The following PIK3CD variants were observed in gnomAD, a reference collection of about 807,000 sequenced individuals.
The protein encoded by PIK3CD is phosphatidylinositol-4,5-bisphosphate 3-kinase catalytic subunit delta.
In PIK3CD, 20 loss-of-function variants were observed where a neutral mutation model predicts 122.9. The ratio of observed to expected loss-of-function variants is 0.16; its 90% CI spans 0.11 to 0.24. The LOEUF (loss-of-function observed/expected upper bound fraction) is 0.24. PIK3CD is among the 10% of genes least tolerant of loss of function. The pLI is 1.00. For synonymous variants in PIK3CD, 596 were observed against 593.4 expected (o/e 1.00, Z -0.06); for missense variants, 787 against 1,406.3 (o/e 0.56, Z 7.04).
intron 1 of PIK3CD, chr1:9,653,657 G>C: frequency 2.0e-6 from 1 of 492,362 alleles, no homozygotes; most frequent in South Asian, 1.8e-5. Context: ...GAGTGGGGCG[G>C]AAGGTTCTTT....
chr1:9,712,021 C>G (rs575085391), intron 3 of PIK3CD, among the ~76,000 whole-genome samples: 189 of 151,554 alleles, frequency 1.2e-3, no homozygotes, highest in Non-Finnish European at 2.5e-3. Context: ...CTCAGCCTCC[C>G]GAGTAGCTGG....
At chr1:9,650,784 G>T (rs528819046), upstream of PIK3CD, among the ~76,000 whole-genome samples, 49 of 152,280 alleles carry the variant, frequency 3.2e-4, no homozygotes, top group African/African-American at 1.2e-3. Flanking sequence ...TCTCAGGTAA[G>T]AAAAGTTAGC....
intron 2 of PIK3CD, among the ~76,000 whole-genome samples, chr1:9,707,276 A>G (rs72871207): frequency 6.6e-6 from 1 of 151,444 alleles, no homozygotes; most frequent in African/African-American, 2.4e-5. Flanking sequence ...AAAAGTAGAA[A>G]CCAGCCTTCA....
At chr1:9,726,881 C>G in intron 23 of PIK3CD, 28 bp from the exon 24 acceptor site, 3 of 1,613,576 alleles carry the variant, frequency 1.9e-6, no homozygotes, top group Non-Finnish European at 2.5e-6. Flanking sequence ...GCCCCCTTAA[C>G]GTGGACACCG....
In PIK3CD at chr1:9,721,123, C is replaced by A. The variant is rs371112902; in HGVS notation, c.1690-4C>A. The A allele has an allele frequency of 3.1e-6, 5 of 1,610,628 alleles. No homozygotes were observed. Among genetic ancestry groups the A allele is most frequent in the South Asian group, 2.2e-5 (2 of 91,076 alleles). On this transcript the variant is annotated splice_region_variant and splice_polypyrimidine_tract_variant and intron_variant, in intron 13 of 23. Transcript: ENST00000377346. ...CCCCCAAGCCTGACCTCGGCTCCCC[C>A]CAGATGCTCTACCTGCTGTGCTCCT...
chr1:9,659,210 G>C (rs540017263), intron 1 of PIK3CD, among the ~76,000 whole-genome samples: 3 of 152,066 alleles, frequency 2.0e-5, no homozygotes, highest in Non-Finnish European at 4.4e-5. Context: ...GCTAATGCAC[G>C]CGGGGCTTAA....
chr1:9,656,269 G>T (rs906477774), intron 1 of PIK3CD, among the ~76,000 whole-genome samples: 2 of 152,150 alleles, frequency 1.3e-5, no homozygotes. Flanking sequence ...ATGGGGTGGA[G>T]TTTGGATTTT....
chr1:9,708,232 G>A (rs1462723850), intron 2 of PIK3CD, among the ~76,000 whole-genome samples: 10 of 149,732 alleles, frequency 6.7e-5, no homozygotes, highest in Non-Finnish European at 1.2e-4. Flanking sequence ...CATCCAGGCT[G>A]GAGTGCAGTG....
rs1646119911 is a variant in PIK3CD at position 9,689,640 on chromosome 1, C to A, written c.-137-1827C>A. ...CGCTGCCCGGAGGCTGGCGTCTTCCCGTCACTCCGGGACCCGCCCGCTGTG... is the reference window on the plus strand; with the variant it reads ...CGCTGCCCGGAGGCTGGCGTCTTCCAGTCACTCCGGGACCCGCCCGCTGTG... On this transcript the variant is annotated intron_variant, in intron 1 of 23. Coordinates refer to ENST00000377346, the MANE Select transcript of PIK3CD (RefSeq NM_005026.5). The surrounding 1 kb of genome is among the most constrained non-coding windows in gnomAD (Gnocchi z 6.1). 6.6e-6 allele frequency among the ~76,000 whole-genome samples: 1 copy of A among 151,446 alleles called. No individual in the cohort carries two copies. The highest frequency in any genetic ancestry group is 1.5e-5 in the Non-Finnish European group (1 of 67,738).
At position 9,716,044 on chromosome 1, in the gene PIK3CD, C is replaced by G. The variant is rs772030591; in HGVS notation, c.566C>G (p.Ala189Gly). The change falls in exon 5 of 24, where the codon GCC (alanine) becomes GGC (glycine). Residue 189 changes from alanine (A) to glycine (G), a missense_variant. Physicochemically the swap from Ala to Gly is moderately conservative, Grantham distance 60. Around this residue, in one of 6 missense-constraint regions of PIK3CD, gnomAD observed 592 missense variants for 920.6 expected, o/e 0.64. Transcript: ENST00000377346. ...GGTACCCTGCGGCTCCCGAACCGGGCCCTTCTGGTCAACGTTAAGTTTGAG... is the reference window on the plus strand; with the variant it reads ...GGTACCCTGCGGCTCCCGAACCGGGGCCTTCTGGTCAACGTTAAGTTTGAG... ...GPGTLRLPNR[A>G]LLVNVKFEGS... 6.2e-7 allele frequency: 1 copy of G among 1,612,546 alleles called. No individual in the cohort carries two copies. Among genetic ancestry groups the G allele is most frequent in the Non-Finnish European group, 8.5e-7 (1 of 1,179,908 alleles).
At chr1:9,656,801 G>C (rs1334496698) in intron 1 of PIK3CD, among the ~76,000 whole-genome samples, 1 of 152,086 alleles carries the variant, frequency 6.6e-6, no homozygotes, top group Non-Finnish European at 1.5e-5. Context: ...AAATTAGCCA[G>C]GCGTGGTGGC....
intron 1 of PIK3CD, among the ~76,000 whole-genome samples, chr1:9,663,484 T>A (rs371832794): frequency 6.6e-6 from 1 of 152,218 alleles, no homozygotes; most frequent in Non-Finnish European, 1.5e-5. Context: ...CCTGTTGATA[T>A]CTACCTGTTG....
At chr1:9,650,311 ACTCAGGAGG>A, upstream of PIK3CD, among the ~76,000 whole-genome samples, 1 of 152,236 alleles carries the variant, frequency 6.6e-6, no homozygotes, top group South Asian at 2.1e-4. Flanking sequence ...AGTCCCAGCT[ACTCAGGAGG>A]CTGAGGCAGG....
chr1:9,714,685 G>A (rs975969827), intron 3 of PIK3CD, among the ~76,000 whole-genome samples: 9 of 151,976 alleles, frequency 5.9e-5, no homozygotes, highest in Non-Finnish European at 1.5e-5. Flanking sequence ...ATAGTTAGCC[G>A]TTGCCCTTTG....
At chr1:9,697,612 AGT>A (rs1646470268) in intron 2 of PIK3CD, among the ~76,000 whole-genome samples, 2 of 152,020 alleles carry the variant, frequency 1.3e-5, no homozygotes, top group African/African-American at 2.4e-5. Context: ...GTGCACCTGT[AGT>A]CCCAGCTACT....
intron 1 of PIK3CD, chr1:9,672,733 G>A (rs567206425): frequency 9.1e-4 from 139 of 152,234 alleles, no homozygotes; most frequent in African/African-American, 3.2e-3. Context: ...GTGGAGAAAC[G>A]AATAGTTTAA....
chr1:9,666,227 C>CTGTTTTTTTTT (rs1645153346), intron 1 of PIK3CD, among the ~76,000 whole-genome samples: 1 of 44,200 alleles, frequency 2.3e-5, no homozygotes, highest in African/African-American at 1.2e-4. Context: ...CGCGCCCGGT[C>CTGTTTTTTTTT]TTTTTTTTTT....
the PIK3CD span, among the ~76,000 whole-genome samples, chr1:9,632,065 T>G: frequency 1.3e-5 from 2 of 151,306 alleles, no homozygotes; most frequent in Non-Finnish European, 2.9e-5. Context: ...CAGGCTAGAG[T>G]GCAATGGTGC....
upstream of PIK3CD, among the ~76,000 whole-genome samples, chr1:9,647,266 T>A (rs1338932160): frequency 1.3e-5 from 2 of 150,872 alleles, no homozygotes; most frequent in Non-Finnish European, 3.0e-5. Flanking sequence ...AATTAGCCCA[T>A]GCCTGTAGTC....
Sources: gnomAD v4.1 joint callset for allele counts (sites outside exome capture counted in the v4.1 genomes callset) on GRCh38, gnomAD v4.1.1 for gene constraint, gnomAD v4.1.1 regional missense constraint, Gnocchi (gnomAD v3.1) non-coding constraint, MANE v1.5 for transcripts, NCBI Gene and HGNC (gene_info 2026-07-23, HGNC 2026-07-21) for gene names.